Variants in FAM169A observed in about 807,000 individuals in gnomAD.
FAM169A encodes the protein soluble lamin-associated protein of 75 kDa.
A neutral mutation model predicts 75.7 loss-of-function variants in FAM169A; 24 were observed. The observed-to-expected ratio is 0.32, with a 90% CI of 0.23 to 0.45. The LOEUF is 0.45. FAM169A is among the 20% of genes least tolerant of loss of function. The pLI is 1.00. For synonymous variants in FAM169A, 271 were observed against 271.0 expected, an observed-to-expected ratio of 1.00 and a Z score of 0.00; for missense variants, 673 against 784.0, an observed-to-expected ratio of 0.86 and a Z score of 1.69.
chr5:74,826,800 A>G (rs1748053521), intron 5 of FAM169A, among the ~76,000 whole-genome samples: 1 of 152,226 alleles, frequency 6.6e-6, no homozygotes, highest in African/African-American at 2.4e-5. Context: ...GCTAAACTAC[A>G]GACTTTATTC....
chr5:74,825,102 A>C (rs931011603), intron 5 of FAM169A, among the ~76,000 whole-genome samples: 1 of 152,122 alleles, frequency 6.6e-6, no homozygotes, highest in Non-Finnish European at 1.5e-5. Context: ...CTTTATTCTT[A>C]CACTTTTTGA....
Position 74,845,560 on chromosome 5 carries a change from T to C in FAM169A, c.-3-3881A>G, listed in dbSNP as rs529642809. Among the ~76,000 whole-genome samples, 396 of 152,264 alleles carry C rather than the reference T, an allele frequency of 2.6e-3. 3 individuals carry two copies. Among genetic ancestry groups the C allele is most frequent in the African/African-American group, 8.4e-3 (349 of 41,550 alleles). On this transcript the variant is annotated intron_variant, in intron 1 of 12. Coordinates refer to ENST00000687041, the MANE Select transcript of FAM169A (RefSeq NM_001376049.1). ...AAATAAATAAAACTTGATGTACATA[T>C]GGTTGGGAGCCTAATTTTATATAAA...
chr5:74,837,211 T>G (rs1036066603), intron 4 of FAM169A, among the ~76,000 whole-genome samples: 2 of 152,202 alleles, frequency 1.3e-5, no homozygotes, highest in Non-Finnish European at 2.9e-5. Context: ...CTTATTTTCT[T>G]GACATACATA....
At chr5:74,861,826 G>A (rs1205402369) in intron 1 of FAM169A, among the ~76,000 whole-genome samples, 1 of 152,136 alleles carries the variant, frequency 6.6e-6, no homozygotes, top group Non-Finnish European at 1.5e-5. Context: ...AAAATTGGGT[G>A]ATATTATCAT....
chr5:74,852,666 A>G (rs1431565521), intron 1 of FAM169A, among the ~76,000 whole-genome samples: 4 of 152,080 alleles, frequency 2.6e-5, no homozygotes, highest in African/African-American at 9.7e-5. Context: ...AACGGCAAGT[A>G]GTTGGATTTA....
chr5:74,824,726 CACAT>C (rs1323800146), intron 5 of FAM169A, among the ~76,000 whole-genome samples: 18 of 146,496 alleles, frequency 1.2e-4, no homozygotes, highest in Non-Finnish European at 2.1e-4. Flanking sequence ...CACACACACA[CACAT>C]ACACACACAC....
chr5:74,801,246 T>C (rs960991653), intron 9 of FAM169A, among the ~76,000 whole-genome samples: 5 of 152,214 alleles, frequency 3.3e-5, no homozygotes, highest in African/African-American at 1.2e-4. Flanking sequence ...ATGAACTGTG[T>C]AAGTCATTCC....
chr5:74,866,238 G>A lies in FAM169A; in HGVS notation c.-77C>T, dbSNP rs935861388. On this transcript the variant is annotated 5_prime_UTR_variant, in exon 1 of 13. Coordinates refer to ENST00000687041, the MANE Select transcript of FAM169A (RefSeq NM_001376049.1). Reference sequence around the variant, plus strand: ...AGCCGCGCGAATGAATGGAGCCGGCGGCTGCTCGCTGGCGACCTCCGGCCG... The same window carrying A: ...AGCCGCGCGAATGAATGGAGCCGGCAGCTGCTCGCTGGCGACCTCCGGCCG... The A allele has an allele frequency of 5.0e-5, 49 of 983,620 alleles. No homozygotes were observed. The African/African-American group carries it at 8.2e-4, about 17-fold the overall frequency. The allele number at this position is 983,620 out of a possible 1,614,324, so 60.9% of individuals were successfully genotyped here.
chr5:74,796,523 AG>A (rs1746286042), intron 10 of FAM169A, among the ~76,000 whole-genome samples: 1 of 151,752 alleles, frequency 6.6e-6, no homozygotes, highest in Admixed American at 6.6e-5. Flanking sequence ...CTCCTGCCTC[AG>A]CCCCCGAGCA....
intron 6 of FAM169A, among the ~76,000 whole-genome samples, chr5:74,811,537 G>A (rs1288074461): frequency 6.6e-6 from 1 of 152,146 alleles, no homozygotes; most frequent in Non-Finnish European, 1.5e-5. Flanking sequence ...CTGTTTTCTG[G>A]ATTGCTTTTG....
chr5:74,801,105 T>G, intron 9 of FAM169A, 75 bp from the exon 10 acceptor site: 1 of 1,179,586 alleles, frequency 8.5e-7, no homozygotes, highest in East Asian at 2.8e-5. Context: ...TACACAGAAA[T>G]GCAAGAACTA....
chr5:74,804,472 A>ACAG (rs1372846335), intron 8 of FAM169A, 21 bp downstream of exon 8: 1 of 1,251,152 alleles, frequency 8.0e-7, no homozygotes, highest in East Asian at 2.5e-5. Flanking sequence ...ACAACAATAA[A>ACAG]CATATAGACA....
chr5:74,805,240 G>A lies in FAM169A; in HGVS notation c.715C>T (p.Leu239Phe), dbSNP rs1746802554. ...TGTCCAACACCTTCAACTTCCCAAA[G>A]GAGTTCATGGTCTCCTGGATACTTC... Reference protein sequence around the residue: ...FEKYPGDHELLWEVEGVGHWY... With the variant: ...FEKYPGDHELFWEVEGVGHWY... The change falls in exon 7 of 13, where the codon CTT (leucine) becomes TTT (phenylalanine). Residue 239 changes from leucine to phenylalanine, a missense_variant. Physicochemically the swap from Leu to Phe is conservative, Grantham distance 22. Transcript: ENST00000687041. The A allele has an allele frequency of 1.6e-5, 26 of 1,613,708 alleles. No homozygotes were observed. The highest frequency in any genetic ancestry group is 2.2e-5 in the Non-Finnish European group (26 of 1,179,666).
chr5:74,792,684 G>T lies in FAM169A; in HGVS notation c.1260+3346C>A, dbSNP rs1175844344. 3.9e-5 allele frequency among the ~76,000 whole-genome samples: 6 copies of T among 151,982 alleles called. No individual in the cohort carries two copies. The East Asian group carries it at 1.2e-3, about 29-fold the overall frequency. ...CCCTGACTAATACACTAATTATCAAGGAAATGCAAATCAAAACCACAATTT... is the reference window on the plus strand; with the variant it reads ...CCCTGACTAATACACTAATTATCAATGAAATGCAAATCAAAACCACAATTT... On this transcript the variant is annotated intron_variant, in intron 11 of 12. Coordinates refer to ENST00000687041, the MANE Select transcript of FAM169A (RefSeq NM_001376049.1).
intron 10 of FAM169A, chr5:74,799,972 T>C: frequency 1.2e-6 from 1 of 806,436 alleles, no homozygotes; most frequent in Non-Finnish European, 2.2e-6. Flanking sequence ...CAGAATAGCA[T>C]CACTCAAGTC....
chr5:74,855,504 T>C (rs1209478450), intron 1 of FAM169A, among the ~76,000 whole-genome samples: 5 of 152,204 alleles, frequency 3.3e-5, no homozygotes, highest in Admixed American at 2.6e-4. Flanking sequence ...GGCCTTATTG[T>C]AGTTTTGATT....
intron 1 of FAM169A, among the ~76,000 whole-genome samples, chr5:74,855,766 T>C (rs1749676082): frequency 4.6e-5 from 7 of 152,256 alleles, no homozygotes; most frequent in Admixed American, 4.6e-4. Flanking sequence ...TCCTTTGCTA[T>C]GCAGAAGCTT....
At position 74,779,497 on chromosome 5, in the gene FAM169A, CAT is replaced by C. The variant is rs1243887819; in HGVS notation, c.*1961_*1962del. The C allele has an allele frequency of 6.6e-6, 1 of 152,136 alleles. No individual in the cohort carries two copies. The highest frequency in any genetic ancestry group is 1.5e-5 in the Non-Finnish European group (1 of 67,964). The allele number at this position is 152,136 out of a possible 1,614,324, so 9.4% of individuals were successfully genotyped here. A position where few individuals can be genotyped will look rare whatever the true frequency, so the allele number is the denominator to read the frequency against. ...GTGTTTTCAAATCTAAGAAATGAAA[CAT>C]GTAAAGATTAAGAATTTACTGAATC... is the stretch of plus-strand genomic sequence containing the variant. On this transcript the variant is annotated 3_prime_UTR_variant, in exon 13 of 13. Transcript: ENST00000687041.
At chr5:74,845,154 T>G (rs887569220) in intron 1 of FAM169A, among the ~76,000 whole-genome samples, 2 of 152,190 alleles carry the variant, frequency 1.3e-5, no homozygotes, top group African/African-American at 4.8e-5. Context: ...TTTCTGAATT[T>G]TCAAGATATG....
Sources: gnomAD v4.1 joint callset for allele counts (sites outside exome capture counted in the v4.1 genomes callset) on GRCh38, gnomAD v4.1.1 for gene constraint, MANE v1.5 for transcripts, NCBI Gene and HGNC (gene_info 2026-07-23, HGNC 2026-07-21) for gene names.